Variants in THNSL1 observed in about 807,000 individuals in gnomAD.
THNSL1 encodes threonine synthase like 1, also known as threonine synthase-like 1.
THNSL1 carries 48 observed loss-of-function variants against 50.4 expected under a neutral mutation model. The observed-to-expected ratio is 0.95, with a 90% CI of 0.76 to 1.21. The LOEUF is 1.21. THNSL1 is among the 50% of genes most tolerant of loss of function. The pLI is 0.00. For synonymous variants in THNSL1, 309 were observed against 306.1 expected, an observed-to-expected ratio of 1.01 and a Z score of -0.10; for missense variants, 896 against 871.7, an observed-to-expected ratio of 1.03 and a Z score of -0.35.
At chr10:24,999,651 T>C in the THNSL1 span, 1 of 1,058,978 alleles carries the variant, frequency 9.4e-7, no homozygotes, top group East Asian at 2.6e-5. Flanking sequence ...TAAGTCTATA[T>C]TCGTATGGAA....
the THNSL1 span, among the ~76,000 whole-genome samples, chr10:24,997,564 T>A: frequency 2.6e-4 from 39 of 151,726 alleles, no homozygotes; most frequent in East Asian, 3.9e-3. Flanking sequence ...TTAAAAAAAA[T>A]TTTTTATAGA....
At chr10:24,994,344 T>C in the THNSL1 span, among the ~76,000 whole-genome samples, 1 of 151,400 alleles carries the variant, frequency 6.6e-6, no homozygotes, top group Non-Finnish European at 1.5e-5. Flanking sequence ...CTCTTTTTTT[T>C]TTTTTTTGAC....
the THNSL1 span, among the ~76,000 whole-genome samples, chr10:24,967,123 T>C: frequency 6.6e-6 from 1 of 152,188 alleles, no homozygotes; most frequent in Non-Finnish European, 1.5e-5. Context: ...GTTCAATTTC[T>C]GGGCTCCACG....
chr10:24,952,436 C>T, the THNSL1 span: 14 of 1,423,526 alleles, frequency 9.8e-6, no homozygotes, highest in East Asian at 1.5e-4. This position sits in a 1 kb window ranked among gnomAD's most constrained non-coding sequence, Gnocchi z 5.1. Context: ...CCCTCTCTCT[C>T]CCCCGACGCA....
At chr10:25,022,547 C>T (rs1320108301) in intron 2 of THNSL1, among the ~76,000 whole-genome samples, 1 of 152,086 alleles carries the variant, frequency 6.6e-6, no homozygotes, top group Admixed American at 6.6e-5. Flanking sequence ...GTGTAAAAGG[C>T]ACATAAGAAA....
chr10:25,025,252 C>A lies in THNSL1; in HGVS notation c.2029C>A (p.Gln677Lys). The change falls in exon 3 of 3, where the codon CAG becomes AAG. Residue 677 changes from glutamine (Q) to lysine (K), a missense_variant. By Grantham distance (53) the Gln-to-Lys change is moderately conservative. Transcript: ENST00000376356. ...HYSKFAPAIM[Q>K]ALKIKEINET... The stretch of plus-strand genomic sequence containing the variant: ...CTCAAAGTTTGCACCTGCTATCATG[C>A]AGGCTTTAAAGATTAAAGAAATCAA... The A allele has an allele frequency of 6.2e-7, 1 of 1,614,192 alleles. No individual in the cohort carries two copies. Among genetic ancestry groups the A allele is most frequent in the Non-Finnish European group, 8.5e-7 (1 of 1,180,030 alleles).
the THNSL1 span, among the ~76,000 whole-genome samples, chr10:24,988,266 T>TTA: frequency 2.8e-4 from 39 of 139,910 alleles, no homozygotes; most frequent in African/African-American, 3.4e-4. Flanking sequence ...ATATATATAT[T>TTA]TATATATATG....
At chr10:24,978,718 C>A in the THNSL1 span, among the ~76,000 whole-genome samples, 5 of 152,116 alleles carry the variant, frequency 3.3e-5, no homozygotes, top group African/African-American at 1.2e-4. Flanking sequence ...TGTGTTGGTG[C>A]AAATCATTGG....
chr10:25,007,160 T>C, the THNSL1 span, among the ~76,000 whole-genome samples: 2 of 152,186 alleles, frequency 1.3e-5, no homozygotes, highest in Admixed American at 6.5e-5. Flanking sequence ...GACTGACATA[T>C]TTCCCTGATC....
the THNSL1 span, among the ~76,000 whole-genome samples, chr10:24,996,546 ATTCCC>A: frequency 6.6e-6 from 1 of 152,078 alleles, no homozygotes; most frequent in Non-Finnish European, 1.5e-5. Context: ...CAGTTTGATC[ATTCCC>A]ATTGATCTAT....
chr10:25,017,798 T>G (rs1392682804), intron 1 of THNSL1, among the ~76,000 whole-genome samples: 1 of 152,150 alleles, frequency 6.6e-6, no homozygotes, highest in East Asian at 1.9e-4. Context: ...TTTTCGCCCT[T>G]GAGTATTTTA....
the THNSL1 span, among the ~76,000 whole-genome samples, chr10:24,996,188 T>C: frequency 6.6e-6 from 1 of 152,196 alleles, no homozygotes; most frequent in African/African-American, 2.4e-5. Context: ...TGGCCCACGG[T>C]GACGTGGGCA....
intron 1 of THNSL1, among the ~76,000 whole-genome samples, chr10:25,017,062 C>CG (rs1388333908): frequency 6.6e-6 from 1 of 152,002 alleles, no homozygotes; most frequent in Non-Finnish European, 1.5e-5. Flanking sequence ...GGCGGTCCTC[C>CG]GGGTCGGCTC....
the THNSL1 span, chr10:24,990,711 A>C: frequency 8.4e-7 from 1 of 1,193,324 alleles, no homozygotes. Context: ...GGTACAGACT[A>C]AATCCTTTGT....
At chr10:24,998,552 T>G in the THNSL1 span, among the ~76,000 whole-genome samples, 1 of 152,048 alleles carries the variant, frequency 6.6e-6, no homozygotes, top group Admixed American at 6.6e-5. Flanking sequence ...TTTTTTTTAT[T>G]TTAATTTTTT....
chr10:25,004,207 T>A, the THNSL1 span, among the ~76,000 whole-genome samples: 11 of 152,238 alleles, frequency 7.2e-5, no homozygotes, highest in African/African-American at 2.7e-4. Context: ...TTCCATGTCT[T>A]TGCTACTGTG....
At chr10:24,987,309 C>G in the THNSL1 span, among the ~76,000 whole-genome samples, 3 of 152,046 alleles carry the variant, frequency 2.0e-5, no homozygotes, top group Non-Finnish European at 4.4e-5. Context: ...CTTGTTGGTT[C>G]CCTTAACCCT....
the THNSL1 span, among the ~76,000 whole-genome samples, chr10:24,960,019 T>C: frequency 3.8e-4 from 58 of 152,270 alleles, no homozygotes; most frequent in African/African-American, 1.3e-3. Context: ...AAGGAACTTA[T>C]TTCCATCTCC....
In THNSL1 at chr10:25,024,954, C is replaced by A; in HGVS notation, c.1731C>A (p.His577Gln). 1.2e-6 allele frequency: 2 copies of A among 1,614,086 alleles called. No homozygotes were observed. The highest frequency in any genetic ancestry group is 1.7e-6 in the Non-Finnish European group (2 of 1,180,032). ...LKSSNLERHL[H>Q]LMANKDGQLM... ...CTTCAAACCTAGAACGACATTTACACTTGATGGCTAATAAAGATGGACAGC... is the reference window on the plus strand; with the variant it reads ...CTTCAAACCTAGAACGACATTTACAATTGATGGCTAATAAAGATGGACAGC... Residue 577 changes from histidine (H) to glutamine (Q), a missense_variant, in exon 3 of 3, where the codon CAC (histidine) becomes CAA (glutamine). By Grantham distance (24) the His-to-Gln change is conservative. Coordinates refer to ENST00000376356, the MANE Select transcript of THNSL1 (RefSeq NM_024838.5).
Sources: allele counts gnomAD v4.1 joint callset (sites outside exome capture counted in the v4.1 genomes callset), GRCh38; gene constraint gnomAD v4.1.1; non-coding constraint Gnocchi (gnomAD v3.1); transcripts MANE v1.5; gene names NCBI Gene and HGNC (gene_info 2026-07-23, HGNC 2026-07-21).